Variants in SETD1B observed in about 807,000 individuals in gnomAD.
SETD1B encodes the protein histone-lysine N-methyltransferase SETD1B.
SETD1B carries 7 observed loss-of-function variants against 148.0 expected under a neutral mutation model. That is an observed-to-expected ratio of 0.05 (90% CI 0.03 to 0.09). SETD1B has a LOEUF of 0.09. SETD1B is among the 10% of genes least tolerant of loss of function. The probability of loss-of-function intolerance (pLI) is 1.00; values close to 1 mark genes in which losing one functional copy is unlikely to be tolerated. For missense variants in SETD1B, 2,155 were observed against 2,729.9 expected (o/e 0.79, Z 4.69); for synonymous variants, 1,361 against 1,186.5 (o/e 1.15, Z -3.02).
chr12:121,803,472 C>CCAGCTCAG (rs940920347), upstream of SETD1B: 2 of 152,250 alleles, frequency 1.3e-5, no homozygotes, highest in Non-Finnish European at 2.9e-5. The surrounding 1 kb of genome is among the most constrained non-coding windows in gnomAD (Gnocchi z 4.7). Context: ...TCTCCCTTCC[C>CCAGCTCAG]CAGCTCAGCT....
Position 121,804,314 on chromosome 12 carries a change from GGCGA to G in SETD1B, c.-15+85_-15+88del, listed in dbSNP as rs1469822028. ...CCCGGCCCCGGCCCTGGCCCGAGCG[GGCGA>G]GCGGGCGGGCGGGCGGCGGCGCCGC... On this transcript the variant is annotated intron_variant, in intron 1 of 16. Transcript: ENST00000604567. This position sits in a 1 kb window ranked among gnomAD's most constrained non-coding sequence, Gnocchi z 4.6. The G allele has an allele frequency of 6.9e-6, 1 of 144,212 alleles. No individual in the cohort carries two copies. Among genetic ancestry groups the G allele is most frequent in the Non-Finnish European group, 1.5e-5 (1 of 65,614 alleles). The allele number at this position is 144,212 out of a possible 1,614,324, so 8.9% of individuals were successfully genotyped here.
chr12:121,825,194 A>G lies in SETD1B; in HGVS notation c.5171-6A>G. The G allele has an allele frequency of 6.4e-7, 1 of 1,550,918 alleles. No homozygotes were observed. Among genetic ancestry groups the G allele is most frequent in the South Asian group, 1.2e-5 (1 of 84,046 alleles). On this transcript the variant is annotated splice_polypyrimidine_tract_variant and splice_region_variant and intron_variant, in intron 12 of 16. Coordinates refer to ENST00000604567, the MANE Select transcript of SETD1B (RefSeq NM_001353345.2). ...AATGTCCATGTGGCCCTTGACCCAC[A>G]CCCACCCACCAGCCTCTCTTCAGCT...
chr12:121,822,939 C>A lies in SETD1B; in HGVS notation c.4360C>A (p.Arg1454=). The A allele has an allele frequency of 1.3e-6, 2 of 1,536,000 alleles. No homozygotes were observed. The highest frequency in any genetic ancestry group is 1.2e-5 in the South Asian group (1 of 82,040). Reference sequence around the variant, plus strand: ...GCCCGTCTGCCCACTCCCCACTGGCCGACGCGATGAACGCTCCGGGCCCCT... The same window carrying A: ...GCCCGTCTGCCCACTCCCCACTGGCAGACGCGATGAACGCTCCGGGCCCCT... ...LLPVCPLPTG[R]RDERSGPLAS... The change falls in exon 12 of 17, where the codon CGA becomes AGA. Residue 1454 remains arginine, a synonymous_variant. Transcript: ENST00000604567.
the SETD1B span, among the ~76,000 whole-genome samples, chr12:121,792,077 T>C: frequency 1.4e-5 from 2 of 145,796 alleles, no homozygotes; most frequent in African/African-American, 5.3e-5. Flanking sequence ...GAGGCCACGA[T>C]AGGACCTGCT....
At chr12:121,806,240 C>T (rs1875735741) in intron 4 of SETD1B, 135 bp downstream of exon 4, 7 of 977,766 alleles carry the variant, frequency 7.2e-6, no homozygotes, top group Non-Finnish European at 1.0e-5. Context: ...TTCTTAGCCC[C>T]CTCCTGAGGG....
chr12:121,806,656 C>CGG (rs1875758401), intron 4 of SETD1B, among the ~76,000 whole-genome samples: 1 of 152,168 alleles, frequency 6.6e-6, no homozygotes, highest in Admixed American at 6.5e-5. Context: ...ACAGAGCCGC[C>CGG]GGGGAAGAGC....
At chr12:121,825,116 TG>T in intron 12 of SETD1B, 83 bp from the exon 13 acceptor site, 1 of 1,364,906 alleles carries the variant, frequency 7.3e-7, no homozygotes, top group Non-Finnish European at 1.0e-6. Flanking sequence ...CCCTGAAGGG[TG>T]GTCTGAGGAT....
At chr12:121,819,990 C>T (rs534517201) in intron 11 of SETD1B, 95 bp downstream of exon 11, 44 of 1,018,042 alleles carry the variant, frequency 4.3e-5, no homozygotes, top group South Asian at 3.9e-4. Context: ...GATCGCTGAC[C>T]GTCCCCAGCC....
At position 121,823,209 on chromosome 12, in the gene SETD1B, G is replaced by A. The variant is rs868306191; in HGVS notation, c.4630G>A (p.Ala1544Thr). The A allele has an allele frequency of 1.7e-5, 27 of 1,548,836 alleles. 1 individual carries two copies. The Middle Eastern group carries it at 1.5e-3, about 86-fold the overall frequency. ...CTTGGTCCGACCACCAGCAGGGGCCGCCCTTGGAAGGGAACTCCTGCTCCT... is the reference window on the plus strand; with the variant it reads ...CTTGGTCCGACCACCAGCAGGGGCCACCCTTGGAAGGGAACTCCTGCTCCT... ...GPLVRPPAGA[A>T]LGRELLLLPG... Residue 1544 changes from alanine to threonine, a missense_variant, in exon 12 of 17, where the codon GCC becomes ACC. Around this residue, in one of 11 missense-constraint regions of SETD1B, gnomAD observed 862 missense variants for 873.8 expected, o/e 0.99. Transcript: ENST00000604567.
upstream of SETD1B, chr12:121,802,337 G>A (rs1032820966): frequency 3.3e-5 from 5 of 152,218 alleles, no homozygotes; most frequent in African/African-American, 1.2e-4. Flanking sequence ...CGTCAGGACA[G>A]AATGGATTGG....
In SETD1B at chr12:121,828,070, C is replaced by T. The variant is rs1200698535; in HGVS notation, c.5727C>T (p.Asn1909=). Residue 1909 remains asparagine, a splice_region_variant and synonymous_variant, in exon 16 of 17, where the codon AAC becomes AAT. Coordinates refer to ENST00000604567, the MANE Select transcript of SETD1B (RefSeq NM_001353345.2). ...CGCGCTTCATCAACCACAGCTGCAA[C>T]GTGAGTGCCCAGCGGGGGGTGGCCC... The part of the protein sequence containing the change: ...NFARFINHSC[N]PNCYAKVITV... 22 of 1,551,924 alleles carry T rather than the reference C, an allele frequency of 1.4e-5. No individual in the cohort carries two copies. Among genetic ancestry groups the T allele is most frequent in the South Asian group, 7.1e-5 (6 of 84,080 alleles).
At position 121,819,387 on chromosome 12, in the gene SETD1B, C is replaced by T. The variant is rs1189765420; in HGVS notation, c.3419-17C>T. The T allele has an allele frequency of 6.4e-7, 1 of 1,551,450 alleles. No individual in the cohort carries two copies. Among genetic ancestry groups the T allele is most frequent in the South Asian group, 1.2e-5 (1 of 83,968 alleles). The stretch of plus-strand genomic sequence containing the variant: ...AGCGGGTCCTCAGGCAGCCCCTCGT[C>T]TGTGTCCCCCATCCAGAGGAGACAG... On this transcript the variant is annotated splice_polypyrimidine_tract_variant and intron_variant, in intron 10 of 16. Coordinates refer to ENST00000604567, the MANE Select transcript of SETD1B (RefSeq NM_001353345.2).
chr12:121,802,956 T>G (rs1875466944), upstream of SETD1B: 1 of 152,272 alleles, frequency 6.6e-6, no homozygotes, highest in Non-Finnish European at 1.5e-5. Flanking sequence ...GAAGGATGTT[T>G]TGAGATCAGC....
Position 121,814,258 on chromosome 12 carries a change from G to A in SETD1B, c.2043G>A (p.Leu681=). The A allele has an allele frequency of 7.0e-7, 1 of 1,424,496 alleles. No homozygotes were observed. The highest frequency in any genetic ancestry group is 9.2e-7 in the Non-Finnish European group (1 of 1,089,494). The allele number at this position is 1,424,496 out of a possible 1,614,324, so 88.2% of individuals were successfully genotyped here. A position where few individuals can be genotyped will look rare whatever the true frequency, so the allele number is the denominator to read the frequency against. The change falls in exon 7 of 17, where the codon CTG becomes CTA. Residue 681 remains leucine (L), a synonymous_variant. Transcript: ENST00000604567. ...APSVLAPTLP[L]PPPPGFPPLP... The stretch of plus-strand genomic sequence containing the variant: ...CTGTGCTAGCCCCAACCCTGCCGCT[G>A]CCCCCGCCACCTGGCTTCCCCCCGC...
chr12:121,806,519 G>A (rs536305385), intron 4 of SETD1B, among the ~76,000 whole-genome samples: 6 of 152,134 alleles, frequency 3.9e-5, no homozygotes, highest in Non-Finnish European at 7.4e-5. Flanking sequence ...TCAAGAGAAG[G>A]TCTGAAAACT....
Position 121,808,698 on chromosome 12 carries a change from C to T in SETD1B, c.657+378C>T, listed in dbSNP as rs1422365439. On this transcript the variant is annotated intron_variant, in intron 5 of 16. Coordinates refer to ENST00000604567, the MANE Select transcript of SETD1B (RefSeq NM_001353345.2). The surrounding 1 kb of genome is among the most constrained non-coding windows in gnomAD (Gnocchi z 5.3). ...TCTGGTGTCCTGGGCATGCCACTAC[C>T]CCTAAACCCAGAAACCAGAGTTCAT... 6.6e-6 allele frequency among the ~76,000 whole-genome samples: 1 copy of T among 152,200 alleles called. No homozygotes were observed. Among genetic ancestry groups the T allele is most frequent in the Admixed American group, 6.5e-5 (1 of 15,284 alleles).
rs1043368614 is a variant in SETD1B, at chr12:121,831,091, G to A, written c.*852G>A. On this transcript the variant is annotated 3_prime_UTR_variant, in exon 17 of 17. Coordinates refer to ENST00000604567, the MANE Select transcript of SETD1B (RefSeq NM_001353345.2). ...CTCTCGGAGGCCCCAGTGCAGGTGA[G>A]GGGCGCTGAGAACGCGGGCAGCCAC... 6.6e-6 allele frequency: 1 copy of A among 152,292 alleles called. No individual in the cohort carries two copies. Among genetic ancestry groups the A allele is most frequent in the Non-Finnish European group, 1.5e-5 (1 of 68,084 alleles). 9.4% of individuals were successfully genotyped at this position (152,292 alleles called of 1,614,324 possible).
Position 121,810,980 on chromosome 12 carries a change from TA to T in SETD1B, c.1890+150del. ...AATATAACAGGTGGAACTTACAGAA[TA>T]AAAAGGGGATGCAGAAAACACCAGG... On this transcript the variant is annotated intron_variant, in intron 6 of 16. Transcript: ENST00000604567. This position sits in a 1 kb window ranked among gnomAD's most constrained non-coding sequence, Gnocchi z 7.6. 2 of 1,109,540 alleles carry T rather than the reference TA, an allele frequency of 1.8e-6. No homozygotes were observed. Among genetic ancestry groups the T allele is most frequent in the Non-Finnish European group, 1.2e-6 (1 of 812,052 alleles). 68.7% of individuals were successfully genotyped at this position (1,109,540 alleles called of 1,614,324 possible). A position where few individuals can be genotyped will look rare whatever the true frequency, so the allele number is the denominator to read the frequency against.
At position 121,806,011 on chromosome 12, in the gene SETD1B, C is replaced by T; in HGVS notation, c.450C>T (p.Val150=). 6.4e-7 allele frequency: 1 copy of T among 1,551,690 alleles called. No homozygotes were observed. The highest frequency in any genetic ancestry group is 1.2e-5 in the South Asian group (1 of 84,058). The change falls in exon 4 of 17, where the codon GTC becomes GTT. Residue 150 remains valine (V), a synonymous_variant. Transcript: ENST00000604567. ...TKKHLGIAKV[V]FATVRGAKDA... is the part of the protein sequence containing the mutation. ...AGCACCTGGGCATCGCCAAGGTGGT[C>T]TTTGCCACGGTCCGGGGAGCCAAGG...
Sources: gnomAD v4.1 joint callset for allele counts (sites outside exome capture counted in the v4.1 genomes callset) on GRCh38, gnomAD v4.1.1 for gene constraint, gnomAD v4.1.1 regional missense constraint, Gnocchi (gnomAD v3.1) non-coding constraint, MANE v1.5 for transcripts, NCBI Gene and HGNC (gene_info 2026-07-23, HGNC 2026-07-21) for gene names.